ARMC2: variants seen among roughly 807,000 people sequenced by gnomAD.
ARMC2 encodes armadillo repeat containing 2.
Under a neutral mutation model 90.3 loss-of-function variants are expected in ARMC2, and 67 were observed. The ratio of observed to expected loss-of-function variants is 0.74; its 90% confidence interval spans 0.61 to 0.91. The LOEUF (loss-of-function observed/expected upper bound fraction) is 0.91. Ranked by LOEUF, ARMC2 falls within the 40% of genes least tolerant of loss-of-function variation. The pLI is 0.00. For synonymous variants in ARMC2, 393 were observed against 393.0 expected (o/e 1.00, Z 0.00); for missense variants, 920 against 1,030.9 (o/e 0.89, Z 1.47).
chr6:108,938,227 C>T (rs953570052), intron 12 of ARMC2, among the ~76,000 whole-genome samples: 2 of 152,006 alleles, frequency 1.3e-5, no homozygotes, highest in African/African-American at 2.4e-5. Context: ...TAATCTGAAG[C>T]TTTGTGTTTG....
rs1461117640 is a variant in ARMC2 at position 108,864,996 on chromosome 6, A to AT, written c.292-3828_292-3827insT. Among the ~76,000 whole-genome samples, 12 of 115,446 alleles carry AT rather than the reference A, an allele frequency of 1.0e-4. No homozygotes were observed. The East Asian group carries it at 3.1e-3, about 29-fold the overall frequency. 75.7% of individuals were successfully genotyped at this position (115,446 alleles called of 152,430 possible). ...GTGAGGTAGTTAATATTCTCAAGTG[A>AT]ATTTTTTTTTTTTTTTTTTTGAGAC... On this transcript the variant is annotated intron_variant, in intron 3 of 17. Transcript: ENST00000392644.
At chr6:109,020,220 CAACAAATTATAA>C in the ARMC2 span, among the ~76,000 whole-genome samples, 1 of 151,946 alleles carries the variant, frequency 6.6e-6, no homozygotes, top group Non-Finnish European at 1.5e-5. Context: ...CAAGAGAAAA[CAACAAATTATAA>C]AACAGGATAT....
chr6:108,943,481 G>C (rs1276168090), intron 12 of ARMC2, among the ~76,000 whole-genome samples: 1 of 152,096 alleles, frequency 6.6e-6, no homozygotes, highest in Non-Finnish European at 1.5e-5. Context: ...AATCAGAGTG[G>C]CTCCCCAACT....
chr6:108,939,194 G>A (rs1339723781), intron 12 of ARMC2, among the ~76,000 whole-genome samples: 1 of 152,060 alleles, frequency 6.6e-6, no homozygotes, highest in Non-Finnish European at 1.5e-5. Context: ...TTAGACCAAT[G>A]GTTATCTGAA....
rs765015823 is a variant in ARMC2, at chr6:108,973,412, A to G, written c.2502A>G (p.Lys834=). The change falls in exon 18 of 18, where the codon AAA becomes AAG. Residue 834 remains lysine (K), a synonymous_variant. Transcript: ENST00000392644. ...ATCCAGACCTAAAAAACTATCACAAACTCCATTGGGAAACAGAATTCAAAC... is the reference window on the plus strand; with the variant it reads ...ATCCAGACCTAAAAAACTATCACAAGCTCCATTGGGAAACAGAATTCAAAC... ...SFDPDLKNYH[K]LHWETEFKPV... is the part of the protein sequence containing the mutation. The G allele has an allele frequency of 6.2e-7, 1 of 1,613,780 alleles. No individual in the cohort carries two copies. Among genetic ancestry groups the G allele is most frequent in the Non-Finnish European group, 8.5e-7 (1 of 1,179,738 alleles).
At chr6:108,878,406 C>T (rs1027210112) in intron 5 of ARMC2, among the ~76,000 whole-genome samples, 1 of 152,172 alleles carries the variant, frequency 6.6e-6, no homozygotes, top group African/African-American at 2.4e-5. Context: ...GGTGAGGCCA[C>T]ACTCCCAGTG....
chr6:109,042,297 G>A, the ARMC2 span, among the ~76,000 whole-genome samples: 13 of 151,662 alleles, frequency 8.6e-5, no homozygotes, highest in Non-Finnish European at 1.3e-4. Context: ...CAAGAGCCTA[G>A]GGAAAGAAGA....
chr6:108,961,781 A>G, intron 14 of ARMC2, 87 bp downstream of exon 14: 9 of 1,382,800 alleles, frequency 6.5e-6, no homozygotes, highest in South Asian at 1.4e-5. Context: ...AGACATTACT[A>G]TCTTCTGCCT....
At chr6:108,972,710 C>A (rs939876861) in intron 17 of ARMC2, among the ~76,000 whole-genome samples, 1 of 152,124 alleles carries the variant, frequency 6.6e-6, no homozygotes, top group Non-Finnish European at 1.5e-5. Flanking sequence ...GTCTCTTAGG[C>A]TGGATGGCGG....
At chr6:108,946,798 CAT>C in intron 12 of ARMC2, among the ~76,000 whole-genome samples, 1 of 152,128 alleles carries the variant, frequency 6.6e-6, no homozygotes, top group African/African-American at 2.4e-5. Context: ...GTCTGCTGAA[CAT>C]AGTTTATTCT....
At chr6:109,009,267 G>A in the ARMC2 span, 7 of 1,170,748 alleles carry the variant, frequency 6.0e-6, no homozygotes, top group South Asian at 2.0e-5. Flanking sequence ...ACTGTGAGGA[G>A]GCAACGTGAC....
intron 3 of ARMC2, among the ~76,000 whole-genome samples, chr6:108,860,661 CAAAAAAA>C (rs61194526): frequency 1.7e-5 from 1 of 60,070 alleles, no homozygotes; most frequent in South Asian, 5.9e-4. Context: ...GACTCCATCT[CAAAAAAA>C]AAAAAAAAAA....
chr6:108,973,297 A>G, intron 17 of ARMC2, 60 bp from the exon 18 acceptor site: 1 of 1,429,020 alleles, frequency 7.0e-7, no homozygotes, highest in Non-Finnish European at 9.5e-7. Flanking sequence ...TCAAAATTAA[A>G]CTATATTCAA....
intron 11 of ARMC2, among the ~76,000 whole-genome samples, chr6:108,930,592 C>CTTTTTT (rs144870507): frequency 2.6e-3 from 245 of 93,668 alleles, no homozygotes; most frequent in Middle Eastern, 7.5e-3. Context: ...TGCCCTGAAT[C>CTTTTTT]TTTTTTTTTT....
At chr6:109,026,048 G>T in the ARMC2 span, among the ~76,000 whole-genome samples, 9 of 151,408 alleles carry the variant, frequency 5.9e-5, no homozygotes. Context: ...CAAGGAAAGA[G>T]ATCTTAAAGT....
At chr6:108,926,650 G>T (rs1205692940) in intron 10 of ARMC2, among the ~76,000 whole-genome samples, 1 of 152,096 alleles carries the variant, frequency 6.6e-6, no homozygotes, top group Non-Finnish European at 1.5e-5. Context: ...GCTTGAATGG[G>T]GGAGGCAGAG....
chr6:109,025,673 T>G, the ARMC2 span, among the ~76,000 whole-genome samples: 6 of 151,976 alleles, frequency 3.9e-5, no homozygotes, highest in Non-Finnish European at 8.8e-5. Context: ...AATGAAATAG[T>G]TTTTATAATA....
At chr6:109,027,476 CAAAAAAAAAAA>C in the ARMC2 span, among the ~76,000 whole-genome samples, 8 of 27,328 alleles carry the variant, frequency 2.9e-4, no homozygotes, top group African/African-American at 8.6e-4. Context: ...GACTCTGTCT[CAAAAAAAAAAA>C]AAAAAAAAAA....
intron 17 of ARMC2, among the ~76,000 whole-genome samples, chr6:108,970,418 C>T (rs1029299228): frequency 2.3e-4 from 35 of 152,116 alleles, no homozygotes; most frequent in African/African-American, 6.7e-4. Context: ...CACTGCTCAG[C>T]CGCCAGCAGC....
Sources: allele counts gnomAD v4.1 joint callset (sites outside exome capture counted in the v4.1 genomes callset), GRCh38; gene constraint gnomAD v4.1.1; transcripts MANE v1.5; gene names NCBI Gene and HGNC (gene_info 2026-07-23, HGNC 2026-07-21).